GLCCI1: variants seen among roughly 807,000 people sequenced by gnomAD.
The protein encoded by GLCCI1 is glucocorticoid-induced transcript 1 protein.
GLCCI1 carries 24 observed loss-of-function variants against 52.2 expected under a neutral mutation model. The observed-to-expected ratio is 0.46, with a 90% CI of 0.33 to 0.65. The LOEUF is 0.65. Ranked by LOEUF, GLCCI1 falls within the 30% of genes least tolerant of loss-of-function variation. The pLI is 0.02. For synonymous variants in GLCCI1, 310 were observed against 276.5 expected (o/e 1.12, Z -1.20); for missense variants, 704 against 701.5 (o/e 1.00, Z -0.04).
At chr7:7,992,140 A>T in intron 1 of GLCCI1, among the ~76,000 whole-genome samples, 1 of 147,332 alleles carries the variant, frequency 6.8e-6, no homozygotes, top group African/African-American at 2.5e-5. Flanking sequence ...ATATATATAT[A>T]TATCTGGCTC....
At position 8,087,603 on chromosome 7, in the gene GLCCI1, C is replaced by T. The variant is rs1368165275; in HGVS notation, c.*1065C>T. On this transcript the variant is annotated 3_prime_UTR_variant, in exon 8 of 8. Coordinates refer to ENST00000223145, the MANE Select transcript of GLCCI1 (RefSeq NM_138426.4). Reference sequence around the variant, plus strand: ...AAAGACATATTTATATTTAGTTTCTCCCTTGGAAATTCTTTATTTTGCAGG... The same window carrying T: ...AAAGACATATTTATATTTAGTTTCTTCCTTGGAAATTCTTTATTTTGCAGG... The T allele has an allele frequency of 6.6e-6, 1 of 152,450 alleles. No homozygotes were observed. The highest frequency in any genetic ancestry group is 1.5e-5 in the Non-Finnish European group (1 of 68,010). 9.4% of individuals were successfully genotyped at this position (152,450 alleles called of 1,614,324 possible).
intron 6 of GLCCI1, among the ~76,000 whole-genome samples, chr7:8,079,510 T>G (rs755396245): frequency 6.6e-6 from 1 of 151,578 alleles, no homozygotes; most frequent in Non-Finnish European, 1.5e-5. Flanking sequence ...TTAACTGTCA[T>G]ATCAGATTAA....
intron 1 of GLCCI1, among the ~76,000 whole-genome samples, chr7:8,003,398 C>CT (rs1781084722): frequency 6.6e-6 from 1 of 152,106 alleles, no homozygotes; most frequent in Non-Finnish European, 1.5e-5. Flanking sequence ...TCATGTGACG[C>CT]TTAGCATGGG....
At chr7:8,000,193 A>T (rs1328480695) in intron 1 of GLCCI1, among the ~76,000 whole-genome samples, 1 of 152,224 alleles carries the variant, frequency 6.6e-6, no homozygotes, top group Non-Finnish European at 1.5e-5. Flanking sequence ...AGTGGAAGGA[A>T]TTTAAAGTAA....
chr7:8,020,297 G>A (rs994198906), intron 2 of GLCCI1, among the ~76,000 whole-genome samples: 3 of 151,846 alleles, frequency 2.0e-5, no homozygotes, highest in African/African-American at 4.8e-5. Flanking sequence ...TAATTTTATG[G>A]GACCACTGTT....
At chr7:8,064,016 G>A (rs906890816) in intron 5 of GLCCI1, among the ~76,000 whole-genome samples, 26 of 152,106 alleles carry the variant, frequency 1.7e-4, no homozygotes, top group Admixed American at 1.3e-4. Context: ...TTTGTCAGAT[G>A]CATAGTTTGC....
intron 3 of GLCCI1, among the ~76,000 whole-genome samples, chr7:8,027,603 A>G (rs983641018): frequency 2.4e-4 from 37 of 152,060 alleles, no homozygotes; most frequent in African/African-American, 9.0e-4. Context: ...TGGCAGGAGT[A>G]AGTTCCTACT....
chr7:7,971,971 T>A (rs1339237485), intron 1 of GLCCI1, among the ~76,000 whole-genome samples: 1 of 152,200 alleles, frequency 6.6e-6, no homozygotes, highest in East Asian at 1.9e-4. Flanking sequence ...TGCGGGCTTC[T>A]GTGCCCCCAG....
At chr7:8,022,394 T>G (rs1781514929) in intron 2 of GLCCI1, 89 bp from the exon 3 acceptor site, 1 of 641,890 alleles carries the variant, frequency 1.6e-6, no homozygotes, top group South Asian at 2.8e-5. Flanking sequence ...AACTGGTAAG[T>G]GCTAAGAATT....
intron 5 of GLCCI1, among the ~76,000 whole-genome samples, chr7:8,060,487 CA>C (rs1173996032): frequency 2.6e-5 from 4 of 152,202 alleles, no homozygotes; most frequent in African/African-American, 9.6e-5. Context: ...AGTGGTCTCT[CA>C]TTTCCCTGTA....
At chr7:7,971,728 G>A (rs1317858445) in intron 1 of GLCCI1, among the ~76,000 whole-genome samples, 1 of 152,178 alleles carries the variant, frequency 6.6e-6, no homozygotes, top group African/African-American at 2.4e-5. Flanking sequence ...AATAAAATTT[G>A]TGATCTGGCT....
At chr7:8,069,999 T>C (rs1244074896) in intron 5 of GLCCI1, 1 of 152,254 alleles carries the variant, frequency 6.6e-6, no homozygotes, top group Non-Finnish European at 1.5e-5. Flanking sequence ...CTTGTTAACC[T>C]CACTTTGTTA....
chr7:8,009,455 C>T (rs1781217869), intron 2 of GLCCI1, among the ~76,000 whole-genome samples: 2 of 152,042 alleles, frequency 1.3e-5, no homozygotes, highest in African/African-American at 4.8e-5. Context: ...TACAACTTCC[C>T]AGGTATAGTA....
intron 4 of GLCCI1, among the ~76,000 whole-genome samples, chr7:8,059,425 C>G (rs1381843535): frequency 6.6e-6 from 1 of 152,128 alleles, no homozygotes; most frequent in Non-Finnish European, 1.5e-5. Flanking sequence ...CCTTATTAAT[C>G]TTTATTTTTC....
intron 1 of GLCCI1, among the ~76,000 whole-genome samples, chr7:8,002,717 G>T (rs200700073): frequency 6.6e-6 from 1 of 152,210 alleles, no homozygotes. Context: ...ACTCTGAAAA[G>T]AGTTAGCCTT....
intron 5 of GLCCI1, among the ~76,000 whole-genome samples, chr7:8,060,884 G>A (rs1294426950): frequency 6.6e-6 from 1 of 152,076 alleles, no homozygotes; most frequent in Non-Finnish European, 1.5e-5. Context: ...AACTTTTTGA[G>A]GAACTGCCAG....
At chr7:8,042,616 T>C (rs1351961665) in intron 3 of GLCCI1, among the ~76,000 whole-genome samples, 2 of 152,152 alleles carry the variant, frequency 1.3e-5, no homozygotes, top group African/African-American at 2.4e-5. Context: ...CAGGGCAACA[T>C]AGCAAGACCC....
At chr7:7,980,998 C>A in intron 1 of GLCCI1, 1 of 540,756 alleles carries the variant, frequency 1.8e-6, no homozygotes, top group Non-Finnish European at 3.4e-6. Context: ...TCATTTCAAA[C>A]GAAGGTCAGC....
At chr7:8,041,363 TAA>T (rs910855971) in intron 3 of GLCCI1, among the ~76,000 whole-genome samples, 1 of 152,170 alleles carries the variant, frequency 6.6e-6, no homozygotes, top group African/African-American at 2.4e-5. Flanking sequence ...GCCATATCTA[TAA>T]AGTGCAAGGT....
Sources: gnomAD v4.1 joint callset for allele counts (sites outside exome capture counted in the v4.1 genomes callset) on GRCh38, gnomAD v4.1.1 for gene constraint, MANE v1.5 for transcripts, NCBI Gene and HGNC (gene_info 2026-07-23, HGNC 2026-07-21) for gene names.